The following BCL2 variants were observed in gnomAD, a reference collection of about 807,000 sequenced individuals.
BCL2 encodes the protein apoptosis regulator Bcl-2.
Under a neutral mutation model 14.2 loss-of-function variants are expected in BCL2, and 1 was observed. That is an observed-to-expected ratio of 0.07 (90% CI 0.02 to 0.33). The LOEUF is 0.33. Ranked by LOEUF, BCL2 falls within the 10% of genes least tolerant of loss-of-function variation. The pLI is 0.99. For missense variants in BCL2, 247 were observed against 305.9 expected (o/e 0.81, Z 1.44); for synonymous variants, 151 against 137.2 (o/e 1.10, Z -0.70).
At chr18:63,270,555 G>T (rs1488639146) in intron 2 of BCL2, among the ~76,000 whole-genome samples, 1 of 152,120 alleles carries the variant, frequency 6.6e-6, no homozygotes, top group African/African-American at 2.4e-5. Context: ...ATACACATAT[G>T]TGTATACATA....
intron 2 of BCL2, among the ~76,000 whole-genome samples, chr18:63,276,901 G>C (rs1386751167): frequency 6.6e-6 from 1 of 152,206 alleles, no homozygotes; most frequent in Non-Finnish European, 1.5e-5. Flanking sequence ...GGTTTGTAAT[G>C]ATGTGGGTAG....
intron 2 of BCL2, among the ~76,000 whole-genome samples, chr18:63,287,094 C>T (rs868542752): frequency 6.6e-6 from 1 of 152,166 alleles, no homozygotes; most frequent in African/African-American, 2.4e-5. Flanking sequence ...CTCTCTACTA[C>T]CCCCTTCTTG....
At chr18:63,271,205 T>C (rs1233179287) in intron 2 of BCL2, among the ~76,000 whole-genome samples, 1 of 152,162 alleles carries the variant, frequency 6.6e-6, no homozygotes, top group African/African-American at 2.4e-5. Flanking sequence ...GTTAAAGACA[T>C]GAAGAATAAA....
chr18:63,149,200 G>A lies in BCL2; in HGVS notation c.586-20441C>T, dbSNP rs779630498. ...GTTTTGTGGAGGACAATTTTTCCAC[G>A]AATGGGGTGGGGGATCATTTCAGGA... On this transcript the variant is annotated intron_variant, in intron 2 of 2. Coordinates refer to ENST00000333681, the MANE Select transcript of BCL2 (RefSeq NM_000633.3). This position sits in a 1 kb window ranked among gnomAD's most constrained non-coding sequence, Gnocchi z 4.2. Among the ~76,000 whole-genome samples, 3 of 152,204 alleles carry A rather than the reference G, an allele frequency of 2.0e-5. No homozygotes were observed. The highest frequency in any genetic ancestry group is 1.9e-4 in the East Asian group (1 of 5,204).
At position 63,249,579 on chromosome 18, in the gene BCL2, G is replaced by T. The variant is rs1416525710; in HGVS notation, c.585+68503C>A. Among the ~76,000 whole-genome samples, 4 of 152,100 alleles carry T rather than the reference G, an allele frequency of 2.6e-5. No individual in the cohort carries two copies. In the East Asian group the frequency reaches 7.7e-4, roughly 29 times the overall value. On this transcript the variant is annotated intron_variant, in intron 2 of 2. Coordinates refer to ENST00000333681, the MANE Select transcript of BCL2 (RefSeq NM_000633.3). Reference sequence around the variant, plus strand: ...AAAAAAATTAGCTGGGCATGGTGGTGCGTGACTGTAGCTCCAGCTACTCGG... The same window carrying T: ...AAAAAAATTAGCTGGGCATGGTGGTTCGTGACTGTAGCTCCAGCTACTCGG...
intron 2 of BCL2, among the ~76,000 whole-genome samples, chr18:63,268,245 A>G (rs1479701329): frequency 6.6e-6 from 1 of 152,236 alleles, no homozygotes; most frequent in Admixed American, 6.5e-5. Flanking sequence ...TCTTAGAAAG[A>G]GCATTCTGTG....
chr18:63,175,713 A>C (rs921183721), intron 2 of BCL2, among the ~76,000 whole-genome samples: 3 of 152,188 alleles, frequency 2.0e-5, no homozygotes, highest in Non-Finnish European at 4.4e-5. Context: ...GGTGCCCAAA[A>C]ATACTCTCAG....
intron 2 of BCL2, among the ~76,000 whole-genome samples, chr18:63,247,222 G>A (rs1031147636): frequency 2.7e-5 from 4 of 148,110 alleles, no homozygotes; most frequent in Admixed American, 6.7e-5. Context: ...TTTTTGAGAC[G>A]AAGTTTTATT....
intron 2 of BCL2, among the ~76,000 whole-genome samples, chr18:63,236,886 G>C (rs1910851089): frequency 1.3e-5 from 2 of 152,190 alleles, no homozygotes; most frequent in South Asian, 4.1e-4. Flanking sequence ...TAAAATTGAG[G>C]AGTAGACTAC....
At chr18:63,177,984 G>A (rs1429478803) in intron 2 of BCL2, among the ~76,000 whole-genome samples, 1 of 152,150 alleles carries the variant, frequency 6.6e-6, no homozygotes, top group Admixed American at 6.6e-5. Flanking sequence ...CCTCCAAAAG[G>A]ACTGGTGCAG....
At chr18:63,205,427 A>G (rs1909809654) in intron 2 of BCL2, among the ~76,000 whole-genome samples, 1 of 152,212 alleles carries the variant, frequency 6.6e-6, no homozygotes, top group Non-Finnish European at 1.5e-5. Context: ...AATAAACAAA[A>G]ACATTCGGAC....
At chr18:63,165,801 G>A (rs1459096878) in intron 2 of BCL2, among the ~76,000 whole-genome samples, 1 of 152,312 alleles carries the variant, frequency 6.6e-6, no homozygotes. Flanking sequence ...TGCAGGGGAG[G>A]GGGGTGGAAT....
intron 2 of BCL2, among the ~76,000 whole-genome samples, chr18:63,297,313 A>G (rs1244466871): frequency 6.6e-6 from 1 of 152,230 alleles, no homozygotes; most frequent in Non-Finnish European, 1.5e-5. Context: ...TACATCCAAA[A>G]TACTATCACT....
chr18:63,316,416 G>A (rs1160879747), intron 2 of BCL2: 1 of 152,124 alleles, frequency 6.6e-6, no homozygotes, highest in Non-Finnish European at 1.5e-5. Context: ...TTGGGAATCT[G>A]GAAGTCCCAA....
intron 2 of BCL2, among the ~76,000 whole-genome samples, chr18:63,288,603 A>T (rs921557563): frequency 1.2e-4 from 18 of 152,184 alleles, no homozygotes; most frequent in African/African-American, 4.3e-4. Flanking sequence ...TTTTGTCCAT[A>T]TTTCAGAGCA....
At chr18:63,161,342 G>C (rs1443231354) in intron 2 of BCL2, among the ~76,000 whole-genome samples, 1 of 152,088 alleles carries the variant, frequency 6.6e-6, no homozygotes, top group East Asian at 1.9e-4. Flanking sequence ...AAAAAATTTA[G>C]ACTCAGCCAG....
chr18:63,189,640 T>C (rs1476089085), intron 2 of BCL2, among the ~76,000 whole-genome samples: 1 of 152,090 alleles, frequency 6.6e-6, no homozygotes, highest in African/African-American at 2.4e-5. Context: ...TCTACGTATT[T>C]TTGAGGAAGC....
intron 2 of BCL2, among the ~76,000 whole-genome samples, chr18:63,301,003 A>G (rs1205065498): frequency 6.6e-6 from 1 of 152,240 alleles, no homozygotes. Flanking sequence ...ACTTTTAAAA[A>G]AGCAAATGGT....
intron 2 of BCL2, among the ~76,000 whole-genome samples, chr18:63,234,144 G>C (rs1910759227): frequency 6.6e-6 from 1 of 152,070 alleles, no homozygotes; most frequent in African/African-American, 2.4e-5. Context: ...TAGTTACATA[G>C]GTAAACGTGT....
Sources: allele counts gnomAD v4.1 joint callset (sites outside exome capture counted in the v4.1 genomes callset), GRCh38; gene constraint gnomAD v4.1.1; non-coding constraint Gnocchi (gnomAD v3.1); transcripts MANE v1.5; gene names NCBI Gene and HGNC (gene_info 2026-07-23, HGNC 2026-07-21).